Variants in KIAA1328 observed in about 807,000 individuals in gnomAD.
The protein encoded by KIAA1328 is protein hinderin.
KIAA1328 carries 52 observed loss-of-function variants against 68.1 expected under a neutral mutation model. The observed-to-expected ratio is 0.76, with a 90% CI of 0.61 to 0.96. KIAA1328 has a LOEUF of 0.96. Among genes scored for constraint, KIAA1328 ranks in the 40% least tolerant of loss-of-function variants. The pLI is 0.00. For missense variants in KIAA1328, 641 were observed against 677.6 expected, an observed-to-expected ratio of 0.95 and a Z score of 0.60; for synonymous variants, 232 against 239.4, an observed-to-expected ratio of 0.97 and a Z score of 0.28.
At chr18:37,112,872 C>T (rs937212350) in intron 7 of KIAA1328, among the ~76,000 whole-genome samples, 5 of 152,186 alleles carry the variant, frequency 3.3e-5, no homozygotes, top group African/African-American at 9.6e-5. Flanking sequence ...GCACAAGCTT[C>T]AGTAGCTGAT....
intron 7 of KIAA1328, among the ~76,000 whole-genome samples, chr18:37,088,485 C>G (rs976418540): frequency 6.6e-6 from 1 of 151,946 alleles, no homozygotes; most frequent in African/African-American, 2.4e-5. Context: ...CTTTGTGTTT[C>G]TTTGTGGAAT....
intron 8 of KIAA1328, among the ~76,000 whole-genome samples, chr18:37,169,291 G>A (rs1310633238): frequency 6.6e-6 from 1 of 151,672 alleles, no homozygotes; most frequent in Admixed American, 6.6e-5. Flanking sequence ...TCAGACTCCT[G>A]AGTAACTGGG....
intron 6 of KIAA1328, among the ~76,000 whole-genome samples, chr18:37,024,355 A>T (rs1483620212): frequency 1.6e-5 from 2 of 121,836 alleles, no homozygotes; most frequent in African/African-American, 5.6e-5. Context: ...TATATTTATT[A>T]TTTATTTATT....
chr18:37,001,943 AC>A (rs1451302982), intron 6 of KIAA1328, among the ~76,000 whole-genome samples: 2 of 152,176 alleles, frequency 1.3e-5, no homozygotes, highest in Non-Finnish European at 2.9e-5. Context: ...AAGAACTGGA[AC>A]AAAACAAGGA....
intron 6 of KIAA1328, among the ~76,000 whole-genome samples, chr18:37,016,597 TTTTG>T (rs899172800): frequency 6.6e-6 from 1 of 152,088 alleles, no homozygotes; most frequent in Admixed American, 6.6e-5. Flanking sequence ...GTCTGGGGCT[TTTTG>T]TTTGTTTGTT....
chr18:37,184,865 T>C (rs1270480057), intron 9 of KIAA1328, among the ~76,000 whole-genome samples: 1 of 152,114 alleles, frequency 6.6e-6, no homozygotes. Flanking sequence ...AAACTTCCCA[T>C]TAAAAATGTT....
intron 4 of KIAA1328, among the ~76,000 whole-genome samples, chr18:36,858,811 C>T (rs1900951250): frequency 6.6e-6 from 1 of 152,182 alleles, no homozygotes; most frequent in Non-Finnish European, 1.5e-5. Context: ...ACACATGATG[C>T]ATCATCAGCA....
intron 6 of KIAA1328, among the ~76,000 whole-genome samples, chr18:36,970,456 G>A (rs1458051693): frequency 1.3e-5 from 2 of 152,136 alleles, no homozygotes; most frequent in Non-Finnish European, 2.9e-5. Context: ...TTCTGGCCAG[G>A]GCAATCGGGG....
intron 7 of KIAA1328, among the ~76,000 whole-genome samples, chr18:37,096,437 A>G (rs2057410166): frequency 6.6e-6 from 1 of 152,150 alleles, no homozygotes; most frequent in African/African-American, 2.4e-5. Flanking sequence ...ATAGTATTCC[A>G]TGGTGTATAT....
intron 7 of KIAA1328, among the ~76,000 whole-genome samples, chr18:37,071,952 A>C (rs1178128516): frequency 6.6e-6 from 1 of 152,222 alleles, no homozygotes; most frequent in Non-Finnish European, 1.5e-5. Context: ...AAATAGACTA[A>C]ACCAAAAAAA....
chr18:36,896,590 A>G (rs937186048), intron 5 of KIAA1328, among the ~76,000 whole-genome samples: 6 of 152,202 alleles, frequency 3.9e-5, no homozygotes, highest in Admixed American at 3.9e-4. Flanking sequence ...AAATTCAAAA[A>G]ACATTTATTT....
downstream of KIAA1328, chr18:37,230,378 A>C (rs2060659289): frequency 6.6e-6 from 1 of 152,218 alleles, no homozygotes; most frequent in Admixed American, 6.5e-5. Context: ...CTGAGCTTCC[A>C]GTAGTTTCTA....
chr18:37,077,955 C>T (rs1400647761), intron 7 of KIAA1328, among the ~76,000 whole-genome samples: 3 of 152,174 alleles, frequency 2.0e-5, no homozygotes, highest in Non-Finnish European at 4.4e-5. Flanking sequence ...CAATGACTGT[C>T]TTCACAGAAT....
intron 5 of KIAA1328, among the ~76,000 whole-genome samples, chr18:36,895,353 A>C (rs1015474995): frequency 6.6e-6 from 1 of 152,188 alleles, no homozygotes; most frequent in Non-Finnish European, 1.5e-5. Flanking sequence ...AGGCTAGAGT[A>C]GGGGTGAGAA....
chr18:37,042,982 T>C (rs1308061225), intron 6 of KIAA1328, among the ~76,000 whole-genome samples: 1 of 152,166 alleles, frequency 6.6e-6, no homozygotes, highest in Non-Finnish European at 1.5e-5. Flanking sequence ...GTTTTTAAGT[T>C]CACTGATTCT....
chr18:37,163,761 G>A (rs1485117002), intron 8 of KIAA1328, among the ~76,000 whole-genome samples: 3 of 152,114 alleles, frequency 2.0e-5, no homozygotes, highest in Non-Finnish European at 4.4e-5. Context: ...TGCCTCTAAG[G>A]AGCATTTCTC....
At chr18:37,181,968 A>G (rs1044034941) in intron 9 of KIAA1328, among the ~76,000 whole-genome samples, 3 of 152,330 alleles carry the variant, frequency 2.0e-5, no homozygotes, top group South Asian at 2.1e-4. Flanking sequence ...CAAAAACCCT[A>G]AAGTTACTCT....
chr18:36,877,860 G>A (rs1477004319), intron 4 of KIAA1328, among the ~76,000 whole-genome samples: 1 of 151,636 alleles, frequency 6.6e-6, no homozygotes, highest in African/African-American at 2.4e-5. Flanking sequence ...TTAGAGACGG[G>A]GTTTCACCAT....
chr18:36,950,915 A>G (rs113122766), intron 5 of KIAA1328, among the ~76,000 whole-genome samples: 94 of 152,204 alleles, frequency 6.2e-4, no homozygotes, highest in Non-Finnish European at 9.8e-4. Context: ...TTCATCTACC[A>G]AAACAGTCGG....
Sources: gnomAD v4.1 joint callset for allele counts (sites outside exome capture counted in the v4.1 genomes callset) on GRCh38, gnomAD v4.1.1 for gene constraint, MANE v1.5 for transcripts, NCBI Gene and HGNC (gene_info 2026-07-23, HGNC 2026-07-21) for gene names.